PSG3: variants seen among roughly 807,000 people sequenced by gnomAD.
PSG3 encodes pregnancy specific beta-1-glycoprotein 3.
Under a neutral mutation model 47.5 loss-of-function variants are expected in PSG3, and 61 were observed. The observed-to-expected ratio is 1.28, with a 90% CI of 1.05 to 1.59. PSG3 has a LOEUF of 1.59. Among genes scored for constraint, PSG3 ranks in the 40% most tolerant of loss-of-function variants. The probability of loss-of-function intolerance (pLI) is 0.00; values close to 1 mark genes in which losing one functional copy is unlikely to be tolerated. For missense variants in PSG3, 756 were observed against 524.0 expected (o/e 1.44, Z -4.32); for synonymous variants, 263 against 198.4 (o/e 1.33, Z -2.74).
intron 5 of PSG3, among the ~76,000 whole-genome samples, chr19:42,725,612 C>A (rs1455576519): frequency 1.3e-5 from 2 of 152,080 alleles, no homozygotes; most frequent in Non-Finnish European, 2.9e-5. Flanking sequence ...TTAATCCTAG[C>A]ACTTTGGGAA....
chr19:42,738,662 C>A (rs1969607113), intron 2 of PSG3, 62 bp downstream of exon 2: 4 of 1,612,276 alleles, frequency 2.5e-6, no homozygotes, highest in African/African-American at 1.3e-5. Context: ...GCCTGACAAT[C>A]CTTTGTGTGT....
Position 42,732,781 on chromosome 19 carries a change from C to T in PSG3, c.709+3G>A. The T allele has an allele frequency of 6.2e-7, 1 of 1,614,090 alleles. No individual in the cohort carries two copies. The highest frequency in any genetic ancestry group is 8.5e-7 in the Non-Finnish European group (1 of 1,179,952). On this transcript the variant is annotated splice_donor_region_variant and intron_variant, in intron 3 of 6. Coordinates refer to ENST00000327495, the MANE Select transcript of PSG3 (RefSeq NM_021016.4). ...GGCTCACAGAGGAACAGGAGATACT[C>T]ACGGAGGAGATTCAGGGTGACTGGG...
At chr19:42,728,574 C>G (rs1184069487) in intron 5 of PSG3, among the ~76,000 whole-genome samples, 1 of 152,204 alleles carries the variant, frequency 6.6e-6, no homozygotes, top group African/African-American at 2.4e-5. Context: ...CACCAGGGCT[C>G]TTTCTCCACA....
rs562534204 is a variant in PSG3, at chr19:42,734,737, A to C, written c.431-1675T>G. ...GTAGAGAGAGTCCCGTTAAAAGGAC[A>C]GAACTGGTTAGTGTGTCAATTGCAT... On this transcript the variant is annotated intron_variant, in intron 2 of 6. Coordinates refer to ENST00000327495, the MANE Select transcript of PSG3 (RefSeq NM_021016.4). 8.5e-5 allele frequency among the ~76,000 whole-genome samples: 13 copies of C among 152,358 alleles called. 1 individual carries two copies. The South Asian group carries it at 1.9e-3, about 22-fold the overall frequency.
In PSG3 at chr19:42,726,179, C is replaced by G. The variant is rs555544973; in HGVS notation, c.1244-2154G>C. On this transcript the variant is annotated intron_variant, in intron 5 of 6. Transcript: ENST00000327495. The stretch of plus-strand genomic sequence containing the variant: ...AAGGCAATATGTGAAAAACCCAATG[C>G]TAACATCATACTCAACGGAGAAAGA... Among the ~76,000 whole-genome samples the G allele has an allele frequency of 1.8e-4, 27 of 152,248 alleles. No homozygotes were observed. The South Asian group carries it at 3.7e-3, about 21-fold the overall frequency.
At position 42,740,378 on chromosome 19, in the gene PSG3, G is replaced by T. The variant is rs148595855; in HGVS notation, c.7C>A (p.Pro3Thr). MG[P>T]LSAPPCTQRI... ...TGTGTGCAGGGAGGGGCTGAGAGGGGCCCCATGGTCTCTGCTGCCTGCGTG... is the reference window on the plus strand; with the variant it reads ...TGTGTGCAGGGAGGGGCTGAGAGGGTCCCCATGGTCTCTGCTGCCTGCGTG... The change falls in exon 1 of 7, where the codon CCC (proline) becomes ACC (threonine). Residue 3 changes from proline to threonine, a missense_variant. Transcript: ENST00000327495. The T allele has an allele frequency of 0.013, 21,162 of 1,613,678 alleles. 190 individuals carry two copies. Among genetic ancestry groups the T allele is most frequent in the South Asian group, 0.016 (1,439 of 91,050 alleles).
chr19:42,736,388 T>G (rs897049394), intron 2 of PSG3, among the ~76,000 whole-genome samples: 1 of 151,980 alleles, frequency 6.6e-6, no homozygotes, highest in Non-Finnish European at 1.5e-5. Flanking sequence ...TACCTAGAGG[T>G]GGATTCAAGC....
intron 2 of PSG3, among the ~76,000 whole-genome samples, chr19:42,736,478 A>T (rs868122537): frequency 4.6e-5 from 7 of 152,116 alleles, no homozygotes; most frequent in African/African-American, 1.7e-4. Context: ...TGCCCCTGAA[A>T]CTATCCTTGA....
In PSG3 at chr19:42,729,148, G is replaced by C. The variant is rs77287970; in HGVS notation, c.1218C>G (p.Ser406=). The change falls in exon 5 of 7, where the codon TCC becomes TCG. Residue 406 remains serine, a synonymous_variant. Transcript: ENST00000327495. ...CAGAGACTTTGACTGTCATGGATTT[G>C]GAGCTTTCCATGCCAGTGGCTGAGT... The part of the protein sequence containing the change: ...VRNSATGMES[S]KSMTVKVSAP... 945 of 1,613,972 alleles carry C rather than the reference G, an allele frequency of 5.9e-4. 7 individuals are homozygous for C. In the African/African-American group the frequency reaches 0.011, roughly 19 times the overall value.
intron 5 of PSG3, among the ~76,000 whole-genome samples, chr19:42,726,182 A>T (rs1338875162): frequency 1.3e-5 from 2 of 152,194 alleles, no homozygotes; most frequent in East Asian, 3.8e-4. Context: ...CCCAATGCTA[A>T]CATCATACTC....
intron 2 of PSG3, among the ~76,000 whole-genome samples, chr19:42,735,312 C>G (rs1157933048): frequency 6.6e-6 from 1 of 152,124 alleles, no homozygotes; most frequent in Non-Finnish European, 1.5e-5. Context: ...GGGATTCTTT[C>G]CTCAGCTATG....
chr19:42,727,003 G>A (rs62112104), intron 5 of PSG3, among the ~76,000 whole-genome samples: 1 of 152,112 alleles, frequency 6.6e-6, no homozygotes, highest in Non-Finnish European at 1.5e-5. Context: ...GATTTTCATC[G>A]AGTGTGCCAA....
intron 5 of PSG3, among the ~76,000 whole-genome samples, chr19:42,725,546 T>C (rs560939604): frequency 4.6e-5 from 7 of 151,720 alleles, no homozygotes; most frequent in Non-Finnish European, 8.8e-5. Flanking sequence ...AAGAGAAAAG[T>C]TTAAAATTCC....
intron 1 of PSG3, among the ~76,000 whole-genome samples, chr19:42,739,904 C>A (rs566738783): frequency 6.6e-6 from 1 of 152,188 alleles, no homozygotes. Flanking sequence ...TGTATTTTCC[C>A]CTATCCAGGC....
rs200882874 is a variant in PSG3, at chr19:42,729,384, C to G, written c.989-7G>C. ...CTGGGGAGGTCTGGACCATCTGGAG[C>G]AAAGAGAATAAAGCCACAGGTGATG... On this transcript the variant is annotated splice_polypyrimidine_tract_variant and splice_region_variant and intron_variant, in intron 4 of 6. Coordinates refer to ENST00000327495, the MANE Select transcript of PSG3 (RefSeq NM_021016.4). 4.9e-4 allele frequency: 785 copies of G among 1,608,650 alleles called. 5 individuals carry two copies. Among genetic ancestry groups the G allele is most frequent in the Middle Eastern group, 1.7e-4 (1 of 6,054 alleles).
At chr19:42,726,648 T>G (rs1271011527) in intron 5 of PSG3, among the ~76,000 whole-genome samples, 1 of 152,180 alleles carries the variant, frequency 6.6e-6, no homozygotes, top group Non-Finnish European at 1.5e-5. Flanking sequence ...ATGACATCAA[T>G]AAATTGAAAG....
chr19:42,729,714 C>T (rs1202400959), intron 4 of PSG3, 64 bp downstream of exon 4: 3 of 1,576,648 alleles, frequency 1.9e-6, no homozygotes, highest in Non-Finnish European at 1.7e-6. Flanking sequence ...AGTGAGAGGC[C>T]TGGCCTCTGG....
intron 2 of PSG3, among the ~76,000 whole-genome samples, chr19:42,734,422 A>G (rs1403965235): frequency 6.6e-6 from 1 of 152,176 alleles, no homozygotes; most frequent in Non-Finnish European, 1.5e-5. Context: ...GGATTTCTGG[A>G]TTTCCGATGC....
At chr19:42,738,623 A>T in intron 2 of PSG3, 101 bp downstream of exon 2, 2 of 1,603,740 alleles carry the variant, frequency 1.2e-6, no homozygotes, top group Non-Finnish European at 1.7e-6. Context: ...ATGGGACATA[A>T]TGCAGAGAGG....
Sources: gnomAD v4.1 joint callset for allele counts (sites outside exome capture counted in the v4.1 genomes callset) on GRCh38, gnomAD v4.1.1 for gene constraint, MANE v1.5 for transcripts, NCBI Gene and HGNC (gene_info 2026-07-23, HGNC 2026-07-21) for gene names.